The following SUN1 variants were observed in gnomAD, a reference collection of about 807,000 sequenced individuals.
The protein encoded by SUN1 is Sad1 and UNC84 domain containing 1.
A neutral mutation model predicts 103.2 loss-of-function variants in SUN1; 61 were observed. The observed-to-expected ratio is 0.59, with a 90% CI of 0.48 to 0.73. The LOEUF (loss-of-function observed/expected upper bound fraction) is 0.73, where lower values mean the gene tolerates loss of function less well. SUN1 is among the 30% of genes least tolerant of loss of function. SUN1 has a pLI of 0.00. For missense variants in SUN1, 1,052 were observed against 1,034.6 expected, an observed-to-expected ratio of 1.02 and a Z score of -0.23; for synonymous variants, 490 against 425.7, an observed-to-expected ratio of 1.15 and a Z score of -1.86.
At chr7:848,287 C>A in intron 5 of SUN1, 1 of 812,326 alleles carries the variant, frequency 1.2e-6, no homozygotes, top group Non-Finnish European at 1.8e-6. Flanking sequence ...CAGCTGGGCT[C>A]TTCCCCAAGT....
intron 16 of SUN1, among the ~76,000 whole-genome samples, chr7:866,871 T>TA (rs1837392021): frequency 6.6e-6 from 1 of 151,512 alleles, no homozygotes; most frequent in Non-Finnish European, 1.5e-5. Flanking sequence ...TGGCTTCATT[T>TA]AATACTTTAT....
At chr7:860,020 AT>A in intron 13 of SUN1, 107 bp from the exon 14 acceptor site, 1 of 1,377,814 alleles carries the variant, frequency 7.3e-7, no homozygotes, top group Non-Finnish European at 9.8e-7. Flanking sequence ...GACATTCTAG[AT>A]TTTGAGAGGA....
rs914989169 is a variant in SUN1, at chr7:866,148, C to T, written c.1980+81C>T. On this transcript the variant is annotated intron_variant, in intron 16 of 18. Coordinates refer to ENST00000401592, the MANE Select transcript of SUN1 (RefSeq NM_001130965.3). ...TTCACGGGTCGTAGGTCCACAGCTC[C>T]ATGGAACTTCGTAAGATGAACACGT... 3.7e-5 allele frequency: 45 copies of T among 1,229,604 alleles called. No homozygotes were observed. In the East Asian group the frequency reaches 5.3e-4, roughly 15 times the overall value. 76.2% of individuals were successfully genotyped at this position (1,229,604 alleles called of 1,614,324 possible).
At chr7:817,295 A>G (rs182971446) in intron 1 of SUN1, 3 of 857,208 alleles carry the variant, frequency 3.5e-6, no homozygotes, top group Admixed American at 2.0e-5. Context: ...TGGTCTCTCC[A>G]TGCTGCCCAG....
At chr7:868,241 C>T (rs1269090432) in intron 16 of SUN1, among the ~76,000 whole-genome samples, 3 of 152,254 alleles carry the variant, frequency 2.0e-5, no homozygotes, top group South Asian at 2.1e-4. Flanking sequence ...GCTGCCTGGG[C>T]GCAGCGTCTG....
chr7:872,590 G>A (rs1443387021), intron 18 of SUN1, 28 bp downstream of exon 18: 6 of 1,544,050 alleles, frequency 3.9e-6, no homozygotes, highest in East Asian at 4.8e-5. Context: ...CACTGCCTGG[G>A]GTCTCTGAGT....
chr7:841,937 T>C lies in SUN1; in HGVS notation c.267-9T>C, dbSNP rs921546955. The C allele has an allele frequency of 3.1e-6, 5 of 1,613,318 alleles. No homozygotes were observed. The highest frequency in any genetic ancestry group is 2.7e-5 in the African/African-American group (2 of 74,910). On this transcript the variant is annotated splice_polypyrimidine_tract_variant and intron_variant, in intron 2 of 18. Transcript: ENST00000401592. ...GATCTATAAACTTGCTGTTTTTTTT[T>C]CTTCTTAGAACAACAAAACAGCGCA...
At chr7:855,636 C>G (rs1337337162) in intron 11 of SUN1, among the ~76,000 whole-genome samples, 1 of 152,228 alleles carries the variant, frequency 6.6e-6, no homozygotes, top group Non-Finnish European at 1.5e-5. Context: ...TTGGGACCCA[C>G]TCCTGGACCT....
At chr7:851,509 G>T (rs569375881) in intron 6 of SUN1, 27 bp downstream of exon 6, 17 of 1,567,886 alleles carry the variant, frequency 1.1e-5, no homozygotes, top group Non-Finnish European at 1.5e-5. Context: ...TCTGTGTTGC[G>T]TTCTCTCCAG....
Position 874,895 on chromosome 7 carries a change from T to G in SUN1, c.*1564T>G, listed in dbSNP as rs1463087083. The G allele has an allele frequency of 6.6e-6, 1 of 152,276 alleles. No homozygotes were observed. Among genetic ancestry groups the G allele is most frequent in the East Asian group, 1.9e-4 (1 of 5,206 alleles). The allele number at this position is 152,276 out of a possible 1,614,324, so 9.4% of individuals were successfully genotyped here. A position where few individuals can be genotyped will look rare whatever the true frequency, so the allele number is the denominator to read the frequency against. On this transcript the variant is annotated 3_prime_UTR_variant, in exon 19 of 19. Coordinates refer to ENST00000401592, the MANE Select transcript of SUN1 (RefSeq NM_001130965.3). ...GGTTTAAATAAAGAGTTTTAATTTT[T>G]AAAAGGGCATGGGATATAAACAGTC...
chr7:822,913 C>T (rs1034997589), intron 1 of SUN1, among the ~76,000 whole-genome samples: 3 of 152,084 alleles, frequency 2.0e-5, no homozygotes, highest in African/African-American at 7.2e-5. Context: ...CCTGTGGCCA[C>T]CCGTGAATTC....
At chr7:870,607 G>A (rs1440208933) in intron 17 of SUN1, among the ~76,000 whole-genome samples, 2 of 152,088 alleles carry the variant, frequency 1.3e-5, no homozygotes, top group Non-Finnish European at 2.9e-5. Flanking sequence ...GGAAAAAAAA[G>A]AGGAAATTGT....
intron 1 of SUN1, among the ~76,000 whole-genome samples, chr7:818,746 C>T (rs1783188390): frequency 6.6e-6 from 1 of 152,170 alleles, no homozygotes; most frequent in South Asian, 2.1e-4. Flanking sequence ...AGTGGCGTCT[C>T]ATTTGGCTGT....
At chr7:836,773 C>A (rs1432911781) in intron 1 of SUN1, among the ~76,000 whole-genome samples, 5 of 152,186 alleles carry the variant, frequency 3.3e-5, no homozygotes, top group African/African-American at 9.7e-5. Flanking sequence ...TATCTGAGCG[C>A]CCAAGGCCCA....
At chr7:827,895 G>A (rs912215805), upstream of SUN1, among the ~76,000 whole-genome samples, 10 of 152,132 alleles carry the variant, frequency 6.6e-5, no homozygotes, top group East Asian at 2.0e-4. Flanking sequence ...TATAACTTAC[G>A]TAGTTTTTGT....
In SUN1 at chr7:861,290, T is replaced by C. The variant is rs1443602803; in HGVS notation, c.1780-90T>C. ...TTTCCGTTGAGAAGATGCTCTAATG[T>C]AAGTGTCTGGTCCTCATCCATGGCA... On this transcript the variant is annotated intron_variant, in intron 14 of 18. Transcript: ENST00000401592. The C allele has an allele frequency of 1.4e-5, 18 of 1,276,904 alleles. No homozygotes were observed. The East Asian group carries it at 3.7e-4, about 26-fold the overall frequency. 79.1% of individuals were successfully genotyped at this position (1,276,904 alleles called of 1,614,324 possible). A position where few individuals can be genotyped will look rare whatever the true frequency, so the allele number is the denominator to read the frequency against.
chr7:854,322 C>G (rs1316178018), intron 10 of SUN1, among the ~76,000 whole-genome samples: 1 of 152,242 alleles, frequency 6.6e-6, no homozygotes, highest in Non-Finnish European at 1.5e-5. Flanking sequence ...AACGCTCAGC[C>G]CCCGAGCCTC....
rs187835404 is a variant in SUN1, at chr7:853,896, C to T, written c.1263+278C>T. ...GGGAAGTCCAGCGGTCGTGGAGAAC[C>T]GTGGTCTTTCCTGTCCTGTTCTCCA... On this transcript the variant is annotated intron_variant, in intron 10 of 18. Transcript: ENST00000401592. Among the ~76,000 whole-genome samples the T allele has an allele frequency of 1.3e-3, 204 of 152,272 alleles. 1 individual carries two copies. Among genetic ancestry groups the T allele is most frequent in the African/African-American group, 4.3e-3 (180 of 41,560 alleles).
upstream of SUN1, among the ~76,000 whole-genome samples, chr7:830,649 T>G (rs1011072576): frequency 6.6e-6 from 1 of 152,218 alleles, no homozygotes; most frequent in Non-Finnish European, 1.5e-5. Flanking sequence ...CCCATCTTCC[T>G]TGCTTTGCTT....
Sources: allele counts gnomAD v4.1 joint callset (sites outside exome capture counted in the v4.1 genomes callset), GRCh38; gene constraint gnomAD v4.1.1; transcripts MANE v1.5; gene names NCBI Gene and HGNC (gene_info 2026-07-23, HGNC 2026-07-21).